IL4R: variants seen among roughly 807,000 people sequenced by gnomAD.
The protein encoded by IL4R is interleukin-4 receptor subunit alpha.
IL4R carries 17 observed loss-of-function variants against 41.5 expected under a neutral mutation model. The ratio of observed to expected loss-of-function variants is 0.41; its 90% confidence interval spans 0.28 to 0.61. The LOEUF (loss-of-function observed/expected upper bound fraction) is 0.61, where lower values mean the gene tolerates loss of function less well. IL4R is among the 20% of genes least tolerant of loss of function. The pLI is 0.31. For synonymous variants in IL4R, 402 were observed against 422.9 expected (o/e 0.95, Z 0.61); for missense variants, 974 against 1,043.1 (o/e 0.93, Z 0.91).
intron 7 of IL4R, 92 bp downstream of exon 7, chr16:27,352,788 T>C (rs1411753758): frequency 3.8e-6 from 5 of 1,326,656 alleles, no homozygotes; most frequent in Non-Finnish European, 5.3e-6. Flanking sequence ...TCTGGGCTTT[T>C]ATATCATAGG....
rs892645884 is a variant in IL4R, at chr16:27,342,474, G to C, written c.209+215G>C. Among the ~76,000 whole-genome samples the C allele has an allele frequency of 2.6e-5, 4 of 152,092 alleles. No homozygotes were observed. The East Asian group carries it at 7.7e-4, about 29-fold the overall frequency. On this transcript the variant is annotated intron_variant, in intron 4 of 10. Transcript: ENST00000395762. ...GGAGTGTTGGTCCACGTGGCACATG[G>C]ATACGGCTGGAATACTGGACTAGAC...
At chr16:27,360,653 T>G in intron 9 of IL4R, 113 bp from the exon 10 acceptor site, 2 of 1,255,596 alleles carry the variant, frequency 1.6e-6, no homozygotes, top group Non-Finnish European at 2.3e-6. Context: ...AGTGACCTGT[T>G]GGACTTCTGA....
At chr16:27,325,986 G>A (rs1054493174) in intron 1 of IL4R, among the ~76,000 whole-genome samples, 3 of 151,972 alleles carry the variant, frequency 2.0e-5, no homozygotes, top group South Asian at 2.1e-4. Flanking sequence ...TCTCTCTCCC[G>A]CCCCACAGCA....
chr16:27,347,699 AAT>A (rs1420187783), intron 6 of IL4R, among the ~76,000 whole-genome samples: 1 of 151,946 alleles, frequency 6.6e-6, no homozygotes, highest in East Asian at 1.9e-4. Context: ...TTGGAGGGAC[AAT>A]CTCTGGACAT....
intron 7 of IL4R, among the ~76,000 whole-genome samples, chr16:27,354,568 A>G (rs960108174): frequency 6.6e-6 from 1 of 152,212 alleles, no homozygotes; most frequent in Non-Finnish European, 1.5e-5. Context: ...AATGCCTGGA[A>G]AAAGGAACAG....
rs756575016 is a variant in IL4R, at chr16:27,358,985, G to A, written c.840G>A (p.Gln280=). ...ARSRLVAIII[Q]DAQGSQWEKR... ...GCCGCCTCGTGGCTATAATAATCCA[G>A]GATGCTCAGGTAGGAGTAGGCGTGG... Residue 280 remains glutamine, a synonymous_variant, in exon 9 of 11, where the codon CAG becomes CAA. Coordinates refer to ENST00000395762, the MANE Select transcript of IL4R (RefSeq NM_000418.4). 2.5e-6 allele frequency: 4 copies of A among 1,613,312 alleles called. No homozygotes were observed.
At chr16:27,358,039 G>A (rs980617603) in intron 8 of IL4R, among the ~76,000 whole-genome samples, 23 of 152,132 alleles carry the variant, frequency 1.5e-4, no homozygotes, top group Non-Finnish European at 2.8e-4. Flanking sequence ...GATTGCAGGC[G>A]CCTGCCACCA....
intron 2 of IL4R, among the ~76,000 whole-genome samples, chr16:27,339,558 G>A (rs951724344): frequency 1.3e-5 from 2 of 152,114 alleles, no homozygotes; most frequent in Non-Finnish European, 2.9e-5. Context: ...CATCTAGTCA[G>A]TGACAGAGCA....
chr16:27,351,119 T>C (rs2085855774), intron 6 of IL4R, among the ~76,000 whole-genome samples: 1 of 152,224 alleles, frequency 6.6e-6, no homozygotes, highest in African/African-American at 2.4e-5. Flanking sequence ...CAGTTTCATC[T>C]GAGGCTCAAT....
chr16:27,363,837 G>C lies in IL4R; in HGVS notation c.*7G>C. Reference sequence around the variant, plus strand: ...ATACATGAGGGTCTCTTAGGTGCATGTCCTCTTGTTGCTGAGTCTGCAGAT... The same window carrying C: ...ATACATGAGGGTCTCTTAGGTGCATCTCCTCTTGTTGCTGAGTCTGCAGAT... On this transcript the variant is annotated 3_prime_UTR_variant, in exon 11 of 11. Transcript: ENST00000395762. The C allele has an allele frequency of 6.3e-7, 1 of 1,595,846 alleles. No individual in the cohort carries two copies. Among genetic ancestry groups the C allele is most frequent in the South Asian group, 1.1e-5 (1 of 90,426 alleles).
intron 3 of IL4R, chr16:27,341,010 A>G (rs2085423987): frequency 5.5e-6 from 3 of 545,846 alleles, no homozygotes; most frequent in Non-Finnish European, 1.0e-5. Context: ...GAGTGGCTGA[A>G]TCAAAAAAGA....
intron 2 of IL4R, among the ~76,000 whole-genome samples, chr16:27,333,280 GCTC>G (rs973795959): frequency 6.6e-6 from 1 of 151,254 alleles, no homozygotes; most frequent in African/African-American, 2.4e-5. Context: ...CTTTTCTGCT[GCTC>G]AGTCAGATTT....
At chr16:27,358,865 G>C in intron 8 of IL4R, 51 bp from the exon 9 acceptor site, 2 of 1,388,322 alleles carry the variant, frequency 1.4e-6, no homozygotes, top group South Asian at 2.3e-5. Context: ...TGGGAGGAGC[G>C]TTCACCTGTC....
At chr16:27,350,009 C>T (rs867893629) in intron 6 of IL4R, among the ~76,000 whole-genome samples, 1 of 152,182 alleles carries the variant, frequency 6.6e-6, no homozygotes, top group Non-Finnish European at 1.5e-5. Context: ...GCTCAGCCTC[C>T]CAAGGTGCTG....
At chr16:27,341,101 G>A (rs1351705077) in intron 3 of IL4R, 6 of 687,634 alleles carry the variant, frequency 8.7e-6, no homozygotes, top group Non-Finnish European at 1.6e-5. Context: ...GAGAAAGGAA[G>A]AGGGTGGAAG....
chr16:27,328,182 G>A (rs1201627125), intron 1 of IL4R, among the ~76,000 whole-genome samples: 1 of 135,600 alleles, frequency 7.4e-6, no homozygotes, highest in Non-Finnish European at 1.5e-5. Context: ...ACTCCAGACT[G>A]GTGACAAAGC....
chr16:27,346,417 A>G, intron 5 of IL4R, 50 bp from the exon 6 acceptor site: 2 of 1,604,360 alleles, frequency 1.2e-6, no homozygotes, highest in Non-Finnish European at 8.5e-7. Flanking sequence ...GGGCTGGGTG[A>G]TGGGGGAGTC....
At chr16:27,348,807 T>A (rs2085761318) in intron 6 of IL4R, among the ~76,000 whole-genome samples, 1 of 151,996 alleles carries the variant, frequency 6.6e-6, no homozygotes, top group Admixed American at 6.6e-5. Flanking sequence ...CCAAACCAGA[T>A]GAACTGAAAA....
At chr16:27,355,478 G>T in intron 7 of IL4R, 1 of 338,174 alleles carries the variant, frequency 3.0e-6, no homozygotes, top group Non-Finnish European at 5.7e-6. Flanking sequence ...AGAAGATAAG[G>T]GACTTGTCCT....
Sources: allele counts gnomAD v4.1 joint callset (sites outside exome capture counted in the v4.1 genomes callset), GRCh38; gene constraint gnomAD v4.1.1; transcripts MANE v1.5; gene names NCBI Gene and HGNC (gene_info 2026-07-23, HGNC 2026-07-21).